Variants in HS3ST5 observed in about 807,000 individuals in gnomAD.
HS3ST5 encodes heparan sulfate glucosamine 3-O-sulfotransferase 5.
In HS3ST5, 10 loss-of-function variants were observed where a neutral mutation model predicts 25.4. The ratio of observed to expected loss-of-function variants is 0.39; its 90% CI spans 0.24 to 0.67. HS3ST5 has a LOEUF of 0.67. HS3ST5 is among the 30% of genes least tolerant of loss of function. HS3ST5 has a pLI of 0.44. For missense variants in HS3ST5, 324 were observed against 420.7 expected (o/e 0.77, Z 2.01); for synonymous variants, 170 against 162.4 (o/e 1.05, Z -0.36).
At chr6:114,197,726 T>C (rs1780829461) in intron 2 of HS3ST5, among the ~76,000 whole-genome samples, 1 of 152,192 alleles carries the variant, frequency 6.6e-6, no homozygotes. Context: ...TGAGAATATG[T>C]CATATTTGGT....
intron 1 of HS3ST5, among the ~76,000 whole-genome samples, chr6:114,259,983 C>A (rs1370001955): frequency 6.6e-6 from 1 of 152,096 alleles, no homozygotes; most frequent in Non-Finnish European, 1.5e-5. Flanking sequence ...AATAAGTTAT[C>A]AAGTTGAGTT....
chr6:114,216,083 T>C (rs527933735), intron 2 of HS3ST5, among the ~76,000 whole-genome samples: 1 of 152,364 alleles, frequency 6.6e-6, no homozygotes, highest in East Asian at 1.9e-4. Context: ...TGCATAATTT[T>C]TCATTTTCTT....
chr6:114,300,899 A>G (rs1582799374), intron 1 of HS3ST5, among the ~76,000 whole-genome samples: 1 of 152,206 alleles, frequency 6.6e-6, no homozygotes, highest in Non-Finnish European at 1.5e-5. Context: ...GCCAGTCACA[A>G]AAGACCACAT....
intron 3 of HS3ST5, among the ~76,000 whole-genome samples, chr6:114,137,220 T>C (rs971471655): frequency 6.6e-6 from 1 of 152,204 alleles, no homozygotes. Flanking sequence ...TTCCAATTTC[T>C]TCTCCCCCCC....
intron 1 of HS3ST5, among the ~76,000 whole-genome samples, chr6:114,242,499 A>G (rs889443971): frequency 1.3e-5 from 2 of 152,188 alleles, no homozygotes; most frequent in African/African-American, 4.8e-5. Context: ...GATACTCAAG[A>G]AAAATAAGTC....
intron 1 of HS3ST5, among the ~76,000 whole-genome samples, chr6:114,341,641 C>T (rs1386034027): frequency 6.8e-6 from 1 of 148,102 alleles, no homozygotes; most frequent in African/African-American, 2.6e-5. Flanking sequence ...TAAAGTGGGG[C>T]TGTGAGGGGT....
chr6:114,228,159 G>C (rs1771396337), intron 2 of HS3ST5, among the ~76,000 whole-genome samples: 1 of 152,120 alleles, frequency 6.6e-6, no homozygotes, highest in Non-Finnish European at 1.5e-5. Context: ...GATAACTTGT[G>C]AGTGGGTAAA....
chr6:114,334,166 C>T (rs1268139019), intron 1 of HS3ST5, among the ~76,000 whole-genome samples: 5 of 152,196 alleles, frequency 3.3e-5, no homozygotes, highest in African/African-American at 9.6e-5. Flanking sequence ...CTGAGAAGCA[C>T]TCAAGTCAGG....
At chr6:114,320,418 AG>A (rs1396732399) in intron 1 of HS3ST5, among the ~76,000 whole-genome samples, 2 of 152,200 alleles carry the variant, frequency 1.3e-5, no homozygotes, top group African/African-American at 4.8e-5. Flanking sequence ...CCACTAGTTC[AG>A]GGGAGCTACT....
At chr6:114,165,699 C>T (rs1021707076) in intron 3 of HS3ST5, among the ~76,000 whole-genome samples, 2 of 152,162 alleles carry the variant, frequency 1.3e-5, no homozygotes, top group African/African-American at 2.4e-5. Context: ...TCACTTCACC[C>T]CCATGACTGC....
intron 1 of HS3ST5, among the ~76,000 whole-genome samples, chr6:114,286,688 A>C (rs934590800): frequency 7.2e-5 from 11 of 151,920 alleles, no homozygotes; most frequent in African/African-American, 2.2e-4. Context: ...TGACTTATTA[A>C]ATTTTTTTCC....
intron 1 of HS3ST5, among the ~76,000 whole-genome samples, chr6:114,339,807 G>C (rs1036667914): frequency 1.3e-5 from 2 of 152,164 alleles, no homozygotes; most frequent in African/African-American, 4.8e-5. Flanking sequence ...GATAATTGTA[G>C]AATTTAGGAG....
intron 3 of HS3ST5, among the ~76,000 whole-genome samples, chr6:114,168,076 GC>G (rs1779301212): frequency 6.6e-6 from 1 of 151,906 alleles, no homozygotes; most frequent in African/African-American, 2.4e-5. Context: ...AACAACACAC[GC>G]AAAAGAAAAT....
chr6:114,102,160 C>T (rs1775767091), intron 3 of HS3ST5, among the ~76,000 whole-genome samples: 2 of 152,070 alleles, frequency 1.3e-5, no homozygotes, highest in Admixed American at 1.3e-4. Flanking sequence ...ACACAATTTA[C>T]CTATATTACA....
At chr6:114,121,545 C>T (rs1047187757) in intron 3 of HS3ST5, among the ~76,000 whole-genome samples, 17 of 151,954 alleles carry the variant, frequency 1.1e-4, no homozygotes, top group African/African-American at 3.9e-4. Flanking sequence ...TGTGACTTTC[C>T]AAACCCTTTT....
intron 1 of HS3ST5, among the ~76,000 whole-genome samples, chr6:114,325,468 T>A (rs1776136789): frequency 2.6e-5 from 4 of 152,146 alleles, no homozygotes; most frequent in Admixed American, 2.6e-4. Flanking sequence ...TATTGTTAGG[T>A]GTCTGGAGAG....
chr6:114,168,697 G>T (rs1187284508), intron 2 of HS3ST5, among the ~76,000 whole-genome samples: 2 of 152,132 alleles, frequency 1.3e-5, no homozygotes, highest in Admixed American at 6.5e-5. Flanking sequence ...ATATGTAATT[G>T]TTAATTTCCC....
intron 3 of HS3ST5, among the ~76,000 whole-genome samples, chr6:114,067,658 T>C (rs1039965760): frequency 1.1e-4 from 16 of 152,186 alleles, no homozygotes; most frequent in African/African-American, 3.4e-4. Context: ...ACCTGATTTC[T>C]CCAGCATTTT....
intron 1 of HS3ST5, among the ~76,000 whole-genome samples, chr6:114,243,700 T>C (rs1772247384): frequency 6.6e-6 from 1 of 152,234 alleles, no homozygotes. Flanking sequence ...CCATGTCCAC[T>C]GCTATGTGCC....
Sources: allele counts gnomAD v4.1 joint callset (sites outside exome capture counted in the v4.1 genomes callset), GRCh38; gene constraint gnomAD v4.1.1; transcripts MANE v1.5; gene names NCBI Gene and HGNC (gene_info 2026-07-23, HGNC 2026-07-21).